Variants in DPH6 observed in about 807,000 individuals in gnomAD.
DPH6 encodes diphthine--ammonia ligase.
In DPH6, 33 loss-of-function variants were observed where a neutral mutation model predicts 38.2. The ratio of observed to expected loss-of-function variants is 0.86; its 90% confidence interval spans 0.65 to 1.15. DPH6 has a LOEUF of 1.15. Ranked by LOEUF, DPH6 falls within the 50% of genes most tolerant of loss-of-function variation. The probability of loss-of-function intolerance (pLI) is 0.00; values close to 1 mark genes in which losing one functional copy is unlikely to be tolerated. For synonymous variants in DPH6, 108 were observed against 103.0 expected (o/e 1.05, Z -0.30); for missense variants, 325 against 320.0 (o/e 1.02, Z -0.12).
chr15:35,542,732 A>G (rs933478384), intron 1 of DPH6, among the ~76,000 whole-genome samples: 1 of 149,758 alleles, frequency 6.7e-6, no homozygotes, highest in Non-Finnish European at 1.5e-5. Context: ...ATATATAAGA[A>G]TATTCTAAAC....
chr15:35,248,259 C>A (rs1186286198), intron 3 of DPH6, among the ~76,000 whole-genome samples: 2 of 152,188 alleles, frequency 1.3e-5, no homozygotes, highest in Admixed American at 1.3e-4. Flanking sequence ...CAAGCTGGGT[C>A]ATGGAAACCA....
At chr15:35,157,494 G>A in the DPH6 span, among the ~76,000 whole-genome samples, 1 of 151,968 alleles carries the variant, frequency 6.6e-6, no homozygotes, top group African/African-American at 2.4e-5. Context: ...AGAAATTAAG[G>A]ACCCCTATAA....
the DPH6 span, among the ~76,000 whole-genome samples, chr15:35,211,752 G>T: frequency 2.6e-5 from 4 of 152,226 alleles, no homozygotes; most frequent in Admixed American, 2.6e-4. Flanking sequence ...GCAAATCCAG[G>T]ATGCTGTGAA....
intron 3 of DPH6, among the ~76,000 whole-genome samples, chr15:35,483,359 GA>G (rs2054353222): frequency 6.6e-6 from 1 of 151,894 alleles, no homozygotes; most frequent in Non-Finnish European, 1.5e-5. Context: ...AGCTACTCAA[GA>G]GGCTGAGGCA....
At chr15:35,523,821 C>T (rs1057442680) in intron 3 of DPH6, among the ~76,000 whole-genome samples, 1 of 152,046 alleles carries the variant, frequency 6.6e-6, no homozygotes, top group African/African-American at 2.4e-5. Flanking sequence ...GAGAAAAGCA[C>T]TAAGTGTAAG....
At chr15:35,162,788 G>A in the DPH6 span, among the ~76,000 whole-genome samples, 3 of 151,822 alleles carry the variant, frequency 2.0e-5, no homozygotes, top group African/African-American at 4.8e-5. Flanking sequence ...CTCTAGATAC[G>A]TGTTAGATGA....
At position 35,473,147 on chromosome 15, in the gene DPH6, G is replaced by A. The variant is rs531191444; in HGVS notation, c.313-18327C>T. On this transcript the variant is annotated intron_variant, in intron 3 of 8. Coordinates refer to ENST00000256538, the MANE Select transcript of DPH6 (RefSeq NM_080650.4). ...CTATGAAACACTTTGCTAGGAGCCA[G>A]GGGTAACAACAGAATCCAAGTTTAT... Among the ~76,000 whole-genome samples, 4 of 152,218 alleles carry A rather than the reference G, an allele frequency of 2.6e-5. No homozygotes were observed. In the East Asian group the frequency reaches 5.8e-4, roughly 22 times the overall value.
chr15:35,204,976 T>C, the DPH6 span, among the ~76,000 whole-genome samples: 1 of 151,906 alleles, frequency 6.6e-6, no homozygotes, highest in Non-Finnish European at 1.5e-5. Flanking sequence ...AGTGAGAAAC[T>C]GAGAAAAGAT....
At position 35,409,929 on chromosome 15, in the gene DPH6, GA is replaced by G. The variant is rs1379490482; in HGVS notation, c.567+905del. On this transcript the variant is annotated intron_variant, in intron 6 of 8. Coordinates refer to ENST00000256538, the MANE Select transcript of DPH6 (RefSeq NM_080650.4). ...ATAATTATTAAGGAATTAACACTAT[GA>G]AAAAAATAACATTTCGGAGATTTCT... Among the ~76,000 whole-genome samples, 6 of 151,246 alleles carry G rather than the reference GA, an allele frequency of 4.0e-5. No homozygotes were observed. The South Asian group carries it at 6.2e-4, about 16-fold the overall frequency.
the DPH6 span, among the ~76,000 whole-genome samples, chr15:35,200,805 T>G: frequency 2.0e-5 from 3 of 151,854 alleles, no homozygotes; most frequent in African/African-American, 7.2e-5. Flanking sequence ...TTGTTTTATG[T>G]AAAAAATACT....
At chr15:35,237,455 C>A (rs990870316) in intron 3 of DPH6, 7 of 1,601,160 alleles carry the variant, frequency 4.4e-6, no homozygotes, top group Non-Finnish European at 6.0e-6. Flanking sequence ...ATCTGAATAA[C>A]TGGAATTCTT....
At chr15:35,236,120 A>C (rs1428178375) in intron 3 of DPH6, among the ~76,000 whole-genome samples, 3 of 152,216 alleles carry the variant, frequency 2.0e-5, no homozygotes, top group Non-Finnish European at 4.4e-5. Flanking sequence ...GAGGTACCAG[A>C]TATCTGCCAT....
At chr15:35,270,644 T>G (rs1037674991) in intron 3 of DPH6, among the ~76,000 whole-genome samples, 2 of 152,234 alleles carry the variant, frequency 1.3e-5, no homozygotes, top group African/African-American at 2.4e-5. Flanking sequence ...AGAAAAAACC[T>G]AAGTTATTTC....
At chr15:35,490,117 A>C in intron 3 of DPH6, 1 of 985,400 alleles carries the variant, frequency 1.0e-6, no homozygotes, top group Non-Finnish European at 1.2e-6. Context: ...CTCTTTTTCA[A>C]CTGCACTTCA....
chr15:35,445,794 A>C (rs954070924), intron 5 of DPH6, among the ~76,000 whole-genome samples: 1 of 152,152 alleles, frequency 6.6e-6, no homozygotes, highest in African/African-American at 2.4e-5. Context: ...CTACTGTATT[A>C]ATTTTGTAGC....
At chr15:35,264,117 A>AT (rs1302736957) in intron 3 of DPH6, among the ~76,000 whole-genome samples, 1 of 151,512 alleles carries the variant, frequency 6.6e-6, no homozygotes, top group Non-Finnish European at 1.5e-5. Flanking sequence ...TAATTCAAAG[A>AT]TTAAAAAAAA....
intron 3 of DPH6, among the ~76,000 whole-genome samples, chr15:35,475,814 A>G (rs527678953): frequency 6.6e-6 from 1 of 151,942 alleles, no homozygotes; most frequent in East Asian, 1.9e-4. Context: ...AGCAAAGATA[A>G]TAATAGTAAA....
chr15:35,389,956 T>G (rs1350587233), intron 6 of DPH6, among the ~76,000 whole-genome samples: 7 of 152,218 alleles, frequency 4.6e-5, no homozygotes, highest in South Asian at 2.1e-4. Flanking sequence ...TTACAATTTG[T>G]CATGTTTTTG....
chr15:35,386,746 T>C (rs1413628079), intron 6 of DPH6, among the ~76,000 whole-genome samples: 1 of 152,174 alleles, frequency 6.6e-6, no homozygotes, highest in Non-Finnish European at 1.5e-5. Flanking sequence ...TATTAGCCCT[T>C]TGTCAGATGA....
Sources: allele counts gnomAD v4.1 joint callset (sites outside exome capture counted in the v4.1 genomes callset), GRCh38; gene constraint gnomAD v4.1.1; transcripts MANE v1.5; gene names NCBI Gene and HGNC (gene_info 2026-07-23, HGNC 2026-07-21).